The following DLGAP1 variants were observed in gnomAD, a reference collection of about 807,000 sequenced individuals.
The protein encoded by DLGAP1 is DLG associated protein 1.
In DLGAP1, 11 loss-of-function variants were observed where a neutral mutation model predicts 90.8. The ratio of observed to expected loss-of-function variants is 0.12; its 90% confidence interval spans 0.08 to 0.20. DLGAP1 has a LOEUF of 0.20. DLGAP1 is among the 10% of genes least tolerant of loss of function. The pLI is 1.00. For missense variants in DLGAP1, 1,050 were observed against 1,333.8 expected (o/e 0.79, Z 3.31); for synonymous variants, 558 against 540.7 (o/e 1.03, Z -0.44).
At chr18:3,837,307 G>A (rs1258968695) in intron 4 of DLGAP1, among the ~76,000 whole-genome samples, 1 of 152,140 alleles carries the variant, frequency 6.6e-6, no homozygotes, top group African/African-American at 2.4e-5. Context: ...TAAAAAGGAA[G>A]CATTTAGAAA....
intron 3 of DLGAP1, among the ~76,000 whole-genome samples, chr18:3,917,969 C>T (rs909808486): frequency 3.3e-5 from 5 of 152,184 alleles, no homozygotes; most frequent in Admixed American, 1.3e-4. Flanking sequence ...TTCAAGGAGC[C>T]GCTGTACCCC....
chr18:3,752,585 CTCTT>C (rs1598595744), intron 5 of DLGAP1, among the ~76,000 whole-genome samples: 1 of 124,394 alleles, frequency 8.0e-6, no homozygotes, highest in Non-Finnish European at 1.6e-5. Flanking sequence ...TTTCTTCTCT[CTCTT>C]TCTCTCTCTC....
At chr18:3,835,532 C>T (rs1334815130) in intron 4 of DLGAP1, among the ~76,000 whole-genome samples, 3 of 151,828 alleles carry the variant, frequency 2.0e-5, no homozygotes, top group Admixed American at 2.0e-4. Flanking sequence ...GACTGTAGTT[C>T]CAGCTACTTG....
At chr18:4,228,657 A>T (rs2078240988) in intron 1 of DLGAP1, among the ~76,000 whole-genome samples, 1 of 151,934 alleles carries the variant, frequency 6.6e-6, no homozygotes, top group African/African-American at 2.4e-5. Flanking sequence ...TAAAAACCCT[A>T]AAAAAACTGG....
At chr18:4,047,493 T>G (rs568472970) in intron 2 of DLGAP1, among the ~76,000 whole-genome samples, 1 of 152,226 alleles carries the variant, frequency 6.6e-6, no homozygotes, top group African/African-American at 2.4e-5. Flanking sequence ...CAGATAATTA[T>G]GAAATAAAGA....
At position 3,499,700 on chromosome 18, in the gene DLGAP1, G is replaced by A. The variant is rs1460909877; in HGVS notation, c.2725-306C>T. Among the ~76,000 whole-genome samples, 2 of 152,120 alleles carry A rather than the reference G, an allele frequency of 1.3e-5. No individual in the cohort carries two copies. The highest frequency in any genetic ancestry group is 4.8e-5 in the African/African-American group (2 of 41,432). ...GAAAGCCTGCGGCTCCCAGCACATT[G>A]AGTGCGGTTCTCTCTGGAGACTCCA... is the stretch of plus-strand genomic sequence containing the variant. On this transcript the variant is annotated intron_variant, in intron 12 of 12. Coordinates refer to ENST00000315677, the MANE Select transcript of DLGAP1 (RefSeq NM_004746.4). This position sits in a 1 kb window ranked among gnomAD's most constrained non-coding sequence, Gnocchi z 6.4.
chr18:3,923,256 A>C (rs1246209239), intron 3 of DLGAP1, among the ~76,000 whole-genome samples: 2 of 152,074 alleles, frequency 1.3e-5, no homozygotes, highest in Non-Finnish European at 2.9e-5. Flanking sequence ...CCTGGGTATA[A>C]TAAACTCTTA....
At chr18:3,899,161 A>G (rs569746005) in intron 3 of DLGAP1, among the ~76,000 whole-genome samples, 1 of 152,194 alleles carries the variant, frequency 6.6e-6, no homozygotes, top group Non-Finnish European at 1.5e-5. Context: ...TGAGCCCACA[A>G]TGAACACTTC....
intron 7 of DLGAP1, among the ~76,000 whole-genome samples, chr18:3,669,275 G>T (rs533676529): frequency 6.6e-6 from 1 of 151,894 alleles, no homozygotes; most frequent in Non-Finnish European, 1.5e-5. Context: ...TAAATGATAC[G>T]GAAGAGGGGA....
At chr18:4,110,128 T>G (rs938721224) in intron 2 of DLGAP1, among the ~76,000 whole-genome samples, 1 of 152,232 alleles carries the variant, frequency 6.6e-6, no homozygotes, top group African/African-American at 2.4e-5. Context: ...AGAATTTATT[T>G]ACACAGACCT....
Position 3,815,153 on chromosome 18 carries a change from C to T in DLGAP1, c.958-880G>A, listed in dbSNP as rs16945427. On this transcript the variant is annotated intron_variant, in intron 4 of 12. Transcript: ENST00000315677. ...TTGTTTTCAATTGCCATTTAAGATT[C>T]GGGAATGTTTACTGATTGATCTATG... 2.1e-3 allele frequency among the ~76,000 whole-genome samples: 317 copies of T among 152,282 alleles called. 1 individual carries two copies. The highest frequency in any genetic ancestry group is 6.1e-3 in the African/African-American group (254 of 41,556).
intron 3 of DLGAP1, among the ~76,000 whole-genome samples, chr18:3,905,033 T>C (rs1388517138): frequency 1.3e-5 from 2 of 151,478 alleles, no homozygotes; most frequent in Admixed American, 1.3e-4. Flanking sequence ...TCTATCTAGT[T>C]CTTACCCTGA....
chr18:3,555,002 A>T (rs1318265891), intron 9 of DLGAP1, among the ~76,000 whole-genome samples: 1 of 152,150 alleles, frequency 6.6e-6, no homozygotes, highest in Non-Finnish European at 1.5e-5. Flanking sequence ...TTAACTGGCC[A>T]TTCAGTGTGA....
chr18:4,094,847 C>T (rs2075651088), intron 2 of DLGAP1, among the ~76,000 whole-genome samples: 2 of 152,148 alleles, frequency 1.3e-5, no homozygotes, highest in South Asian at 4.1e-4. Context: ...ATCCACCCAC[C>T]TTGGCCTCCC....
In DLGAP1 at chr18:4,049,196, C is replaced by T. The variant is rs540011304; in HGVS notation, c.-158-43995G>A. On this transcript the variant is annotated intron_variant, in intron 2 of 12. Transcript: ENST00000315677. ...GAGCCAAGATCACGCCACTGCACTCCAGCCTTGGCAGCACAGCAAGACTCT... is the reference window on the plus strand; with the variant it reads ...GAGCCAAGATCACGCCACTGCACTCTAGCCTTGGCAGCACAGCAAGACTCT... Among the ~76,000 whole-genome samples, 14 of 149,072 alleles carry T rather than the reference C, an allele frequency of 9.4e-5. No individual in the cohort carries two copies. The South Asian group carries it at 2.6e-3, about 28-fold the overall frequency.
At chr18:3,558,018 ATG>A (rs1161060993) in intron 9 of DLGAP1, among the ~76,000 whole-genome samples, 1 of 152,230 alleles carries the variant, frequency 6.6e-6, no homozygotes, top group African/African-American at 2.4e-5. Flanking sequence ...CTTGAGAAGA[ATG>A]TGTAATCTGT....
chr18:3,626,375 C>A (rs977085299), intron 7 of DLGAP1, among the ~76,000 whole-genome samples: 1 of 151,342 alleles, frequency 6.6e-6, no homozygotes, highest in African/African-American at 2.4e-5. Flanking sequence ...GGGAGGATTG[C>A]GTAAGCCCAG....
intron 3 of DLGAP1, chr18:3,986,074 C>G (rs8092361): frequency 0.55 from 82,805 of 151,888 alleles, 23,123 homozygotes; most frequent in African/African-American, 0.66. Flanking sequence ...TCTCTCCCCA[C>G]ACACCTCTGG....
At chr18:3,852,824 C>A (rs1444721201) in intron 4 of DLGAP1, among the ~76,000 whole-genome samples, 1 of 151,986 alleles carries the variant, frequency 6.6e-6, no homozygotes, top group East Asian at 1.9e-4. Flanking sequence ...GTTAACCTTT[C>A]TTTTTGTTAA....
Sources: allele counts gnomAD v4.1 joint callset (sites outside exome capture counted in the v4.1 genomes callset), GRCh38; gene constraint gnomAD v4.1.1; non-coding constraint Gnocchi (gnomAD v3.1); transcripts MANE v1.5; gene names NCBI Gene and HGNC (gene_info 2026-07-23, HGNC 2026-07-21).